The following SLC4A5 variants were observed in gnomAD, a reference collection of about 807,000 sequenced individuals.
SLC4A5 encodes solute carrier family 4 member 5.
Under a neutral mutation model 120.4 loss-of-function variants are expected in SLC4A5, and 96 were observed. The observed-to-expected ratio is 0.80, with a 90% CI of 0.68 to 0.94. The LOEUF is 0.94. Among genes scored for constraint, SLC4A5 ranks in the 40% least tolerant of loss-of-function variants. SLC4A5 has a pLI of 0.00. For missense variants in SLC4A5, 1,259 were observed against 1,459.5 expected (o/e 0.86, Z 2.24); for synonymous variants, 550 against 571.1 (o/e 0.96, Z 0.53).
rs113602207 is a variant in SLC4A5 at position 74,300,038 on chromosome 2, G to C, written c.271+4451C>G. ...AATATATACAATGGAATATTATTCAGCCATAAAAAAGAAGGAAATTCTGCC... is the reference window on the plus strand; with the variant it reads ...AATATATACAATGGAATATTATTCACCCATAAAAAAGAAGGAAATTCTGCC... On this transcript the variant is annotated intron_variant, in intron 7 of 30. Coordinates refer to ENST00000394019, the Ensembl canonical transcript of SLC4A5. Among the ~76,000 whole-genome samples the C allele has an allele frequency of 1.0e-3, 158 of 152,324 alleles. 2 individuals are homozygous for C. The highest frequency in any genetic ancestry group is 3.7e-3 in the African/African-American group (154 of 41,562).
chr2:74,222,977 G>C lies in SLC4A5; in HGVS notation c.3247-25C>G, dbSNP rs201396252. ...GCTGGAGAAAAACAGTGGGAAAAGAGGATAAACACCAACACAACAATTTGG... is the reference window on the plus strand; with the variant it reads ...GCTGGAGAAAAACAGTGGGAAAAGACGATAAACACCAACACAACAATTTGG... On this transcript the variant is annotated intron_variant, in intron 28 of 30. Coordinates refer to ENST00000394019, the Ensembl canonical transcript of SLC4A5. 166 of 1,510,894 alleles carry C rather than the reference G, an allele frequency of 1.1e-4. 1 individual carries two copies. In the African/African-American group the frequency reaches 1.2e-3, roughly 10 times the overall value. The allele number at this position is 1,510,894 out of a possible 1,614,324, so 93.6% of individuals were successfully genotyped here. A position where few individuals can be genotyped will look rare whatever the true frequency, so the allele number is the denominator to read the frequency against.
intron 6 of SLC4A5, among the ~76,000 whole-genome samples, chr2:74,305,645 T>C (rs56682886): frequency 0.13 from 19,147 of 151,716 alleles, 1,613 homozygotes; most frequent in East Asian, 0.47. Flanking sequence ...TCATATAGAA[T>C]AGCTTCACTA....
intron 21 of SLC4A5, among the ~76,000 whole-genome samples, chr2:74,235,506 A>G (rs1344576668): frequency 1.3e-5 from 2 of 152,196 alleles, no homozygotes; most frequent in Non-Finnish European, 2.9e-5. Context: ...ATGGTGGTCA[A>G]TGTGGGATCT....
chr2:74,334,130 A>T (rs937309854), exon 4 of SLC4A5: 1 of 152,162 alleles, frequency 6.6e-6, no homozygotes, highest in Non-Finnish European at 1.5e-5. Flanking sequence ...CTGTTTCTGA[A>T]CCATGTCCAG....
intron 19 of SLC4A5, among the ~76,000 whole-genome samples, chr2:74,245,353 G>T (rs2103965868): frequency 6.6e-6 from 1 of 152,180 alleles, no homozygotes; most frequent in East Asian, 1.9e-4. Context: ...AACAGAATTT[G>T]GATTTTTTCT....
At position 74,232,543 on chromosome 2, in the gene SLC4A5, G is replaced by A. The variant is rs772859066; in HGVS notation, c.2700C>T (p.Ile900=). 1.1e-5 allele frequency: 17 copies of A among 1,613,976 alleles called. No individual in the cohort carries two copies. In the South Asian group the frequency reaches 1.2e-4, roughly 11 times the overall value. ...CCATCTTGAGGCTGTCGATGTGGGC[G>A]ATGGAGATGACCGTGGCAGCCACGT... The change falls in exon 24 of 31, where the codon ATC becomes ATT. Residue 900 remains isoleucine (I), a synonymous_variant. Transcript: ENST00000394019.
At chr2:74,277,064 G>A (rs1469166618) in intron 8 of SLC4A5, among the ~76,000 whole-genome samples, 1 of 152,180 alleles carries the variant, frequency 6.6e-6, no homozygotes, top group Non-Finnish European at 1.5e-5. Flanking sequence ...CAGTGTCCCA[G>A]TGATGCTCCC....
intron 4 of SLC4A5, among the ~76,000 whole-genome samples, chr2:74,332,274 C>A (rs544282217): frequency 6.6e-6 from 1 of 152,270 alleles, no homozygotes; most frequent in South Asian, 2.1e-4. Flanking sequence ...TTCTTTGAAA[C>A]TCTACTGCCC....
At chr2:74,285,800 T>G in exon 8 of SLC4A5, 1 of 1,611,890 alleles carries the variant, frequency 6.2e-7, no homozygotes, top group Non-Finnish European at 8.5e-7. Context: ...CTCCATCTGG[T>G]CTCCGTCATG....
chr2:74,259,498 A>G (rs1671069527), intron 12 of SLC4A5, 90 bp downstream of exon 12: 2 of 1,400,066 alleles, frequency 1.4e-6, no homozygotes. Context: ...TAGGAGTGGA[A>G]CTCTGCCCAT....
rs372095198 is a variant in SLC4A5 at position 74,226,912 on chromosome 2, A to C, written c.3090+45T>G. Reference sequence around the variant, plus strand: ...GTTGCGCTGCACCTCTGGGTTGCCCAGGCCAACCTGCCAGGCAGGAGGGGG... The same window carrying C: ...GTTGCGCTGCACCTCTGGGTTGCCCCGGCCAACCTGCCAGGCAGGAGGGGG... On this transcript the variant is annotated intron_variant, in intron 27 of 30. Transcript: ENST00000394019. 4.3e-5 allele frequency: 68 copies of C among 1,593,586 alleles called. No homozygotes were observed. The African/African-American group carries it at 7.9e-4, about 19-fold the overall frequency.
intron 21 of SLC4A5, among the ~76,000 whole-genome samples, chr2:74,235,460 G>A (rs1031380034): frequency 2.0e-5 from 3 of 152,184 alleles, no homozygotes; most frequent in African/African-American, 7.2e-5. Context: ...CCTCAAAGGT[G>A]TAAGTGAACT....
chr2:74,289,063 G>GC (rs967666671), intron 7 of SLC4A5, among the ~76,000 whole-genome samples: 4 of 152,022 alleles, frequency 2.6e-5, no homozygotes, highest in African/African-American at 9.7e-5. Context: ...TCCTATCACT[G>GC]CAATAGCCAC....
intron 8 of SLC4A5, among the ~76,000 whole-genome samples, chr2:74,273,639 A>T (rs1671543859): frequency 6.6e-6 from 1 of 152,242 alleles, no homozygotes; most frequent in African/African-American, 2.4e-5. Flanking sequence ...TTCATTTCTT[A>T]AAAGTAAGAA....
At chr2:74,268,896 T>C (rs1400753284) in intron 8 of SLC4A5, among the ~76,000 whole-genome samples, 4 of 152,246 alleles carry the variant, frequency 2.6e-5, no homozygotes, top group Non-Finnish European at 5.9e-5. Flanking sequence ...ATTATCTATG[T>C]TTAACACCTT....
intron 3 of SLC4A5, among the ~76,000 whole-genome samples, chr2:74,335,628 T>C (rs1175222686): frequency 6.6e-5 from 10 of 152,174 alleles, no homozygotes; most frequent in Non-Finnish European, 1.2e-4. Flanking sequence ...TGGAAAGACA[T>C]AGCCTCTAGA....
exon 11 of SLC4A5, chr2:74,262,191 G>A (rs55651232): frequency 0.049 from 78,498 of 1,613,650 alleles, 2,350 homozygotes; most frequent in East Asian, 0.14. Context: ...GTGGAGTGGT[G>A]TAGACTCGGG....
At chr2:74,279,515 T>C (rs1671744937) in intron 8 of SLC4A5, among the ~76,000 whole-genome samples, 1 of 152,182 alleles carries the variant, frequency 6.6e-6, no homozygotes, top group African/African-American at 2.4e-5. Context: ...GGCTCTGTTC[T>C]GGGCTCTCTT....
intron 14 of SLC4A5, among the ~76,000 whole-genome samples, chr2:74,253,596 C>T (rs1445971246): frequency 6.6e-6 from 1 of 152,016 alleles, no homozygotes; most frequent in Non-Finnish European, 1.5e-5. Context: ...TTAACCCTTT[C>T]CCATTTAGGC....
Sources: allele counts gnomAD v4.1 joint callset (sites outside exome capture counted in the v4.1 genomes callset), GRCh38; gene constraint gnomAD v4.1.1; transcripts MANE v1.5; gene names NCBI Gene and HGNC (gene_info 2026-07-23, HGNC 2026-07-21).